ARSB: variants seen among roughly 807,000 people sequenced by gnomAD.
ARSB encodes the protein arylsulfatase B.
A neutral mutation model predicts 50.9 loss-of-function variants in ARSB; 41 were observed. The observed-to-expected ratio is 0.81, with a 90% confidence interval of 0.63 to 1.04. The LOEUF (loss-of-function observed/expected upper bound fraction) is 1.04, where lower values mean the gene tolerates loss of function less well. ARSB is among the 50% of genes least tolerant of loss of function. ARSB has a pLI of 0.00. For missense variants in ARSB, 672 were observed against 693.3 expected, an observed-to-expected ratio of 0.97 and a Z score of 0.35; for synonymous variants, 269 against 284.8, an observed-to-expected ratio of 0.94 and a Z score of 0.56.
chr5:78,903,310 A>C (rs1329321978), intron 4 of ARSB, among the ~76,000 whole-genome samples: 1 of 152,176 alleles, frequency 6.6e-6, no homozygotes, highest in East Asian at 1.9e-4. Flanking sequence ...GAATGTAAAA[A>C]ATCTGCTTCA....
chr5:78,907,418 C>T (rs1749113592), intron 4 of ARSB, among the ~76,000 whole-genome samples: 1 of 152,176 alleles, frequency 6.6e-6, no homozygotes. Flanking sequence ...GGCCCAGCCA[C>T]ACTGGAGTGA....
In ARSB at chr5:78,888,486, G is replaced by C. The variant is rs367790556; in HGVS notation, c.899-2659C>G. On this transcript the variant is annotated intron_variant, in intron 4 of 7. Transcript: ENST00000264914. ...GACAGAACGATTATTTCACTCTGTT[G>C]TCTGGATTGCTGTAAGTGATGCTGG... Among the ~76,000 whole-genome samples, 16 of 152,348 alleles carry C rather than the reference G, an allele frequency of 1.1e-4. No homozygotes were observed. The East Asian group carries it at 1.5e-3, about 15-fold the overall frequency.
intron 4 of ARSB, among the ~76,000 whole-genome samples, chr5:78,913,615 C>T (rs1297388105): frequency 6.6e-6 from 1 of 152,140 alleles, no homozygotes; most frequent in Non-Finnish European, 1.5e-5. Context: ...TGAGTTAGAG[C>T]CTCTTAATCC....
At chr5:78,888,586 T>C (rs1748143382) in intron 4 of ARSB, among the ~76,000 whole-genome samples, 1 of 152,236 alleles carries the variant, frequency 6.6e-6, no homozygotes, top group Non-Finnish European at 1.5e-5. Flanking sequence ...GTAGTGTCCT[T>C]CAGTTGCACA....
At chr5:78,913,250 A>G (rs1169143967) in intron 4 of ARSB, among the ~76,000 whole-genome samples, 2 of 151,294 alleles carry the variant, frequency 1.3e-5, no homozygotes, top group African/African-American at 2.4e-5. Flanking sequence ...TCAGCCTCCC[A>G]AGTAGCTGGG....
chr5:78,817,214 C>A, intron 6 of ARSB: 1 of 623,560 alleles, frequency 1.6e-6, no homozygotes, highest in Non-Finnish European at 2.0e-6. Context: ...GTTCACTGAC[C>A]AATAATCCAA....
intron 4 of ARSB, among the ~76,000 whole-genome samples, chr5:78,905,775 TC>T (rs1749032664): frequency 6.6e-6 from 1 of 151,988 alleles, no homozygotes; most frequent in African/African-American, 2.4e-5. Context: ...ATCCTTCAGA[TC>T]CACCCCCAAC....
chr5:78,910,125 C>T (rs1488832066), intron 4 of ARSB, among the ~76,000 whole-genome samples: 2 of 152,214 alleles, frequency 1.3e-5, no homozygotes, highest in Non-Finnish European at 2.9e-5. Context: ...GACCTTCTCC[C>T]CACTATCACC....
chr5:78,888,331 T>A (rs1271587099), intron 4 of ARSB, among the ~76,000 whole-genome samples: 1 of 152,208 alleles, frequency 6.6e-6, no homozygotes, highest in Non-Finnish European at 1.5e-5. Flanking sequence ...TCCATGTTCA[T>A]GATACTGCAC....
chr5:78,912,359 G>A (rs1749347982), intron 4 of ARSB, among the ~76,000 whole-genome samples: 1 of 152,214 alleles, frequency 6.6e-6, no homozygotes. Flanking sequence ...TTTGCCAGAA[G>A]GAAAGTGAGG....
At chr5:78,792,970 A>G (rs1204414338) in intron 6 of ARSB, among the ~76,000 whole-genome samples, 1 of 152,206 alleles carries the variant, frequency 6.6e-6, no homozygotes, top group Non-Finnish European at 1.5e-5. Context: ...GCCACACTAC[A>G]GGTCTGGCCA....
chr5:78,889,901 C>T (rs1465404057), intron 4 of ARSB, among the ~76,000 whole-genome samples: 1 of 152,172 alleles, frequency 6.6e-6, no homozygotes. Context: ...AGTCATCCTT[C>T]CCAACCTGAC....
chr5:78,805,881 G>C (rs1406218425), intron 6 of ARSB, among the ~76,000 whole-genome samples: 2 of 152,244 alleles, frequency 1.3e-5, no homozygotes, highest in Non-Finnish European at 2.9e-5. Flanking sequence ...GTTATTCACT[G>C]CTGTGGAAAA....
At chr5:78,887,847 T>C (rs1229999102) in intron 4 of ARSB, among the ~76,000 whole-genome samples, 1 of 152,186 alleles carries the variant, frequency 6.6e-6, no homozygotes, top group African/African-American at 2.4e-5. Context: ...TTTCACTTCC[T>C]GATGAAAACC....
At chr5:78,984,834 G>A in intron 1 of ARSB, 103 bp downstream of exon 1, 2 of 985,102 alleles carry the variant, frequency 2.0e-6, no homozygotes, top group Non-Finnish European at 2.6e-6. Context: ...GGCGGTCCGA[G>A]CCCCGCCTGC....
chr5:78,806,289 A>ACCAGGGGC (rs1743560543), intron 6 of ARSB, among the ~76,000 whole-genome samples: 2 of 152,242 alleles, frequency 1.3e-5, no homozygotes, highest in South Asian at 4.1e-4. Flanking sequence ...ACAACTGTAT[A>ACCAGGGGC]CCTGAAGGAT....
At chr5:78,876,191 T>C (rs1581080551) in intron 5 of ARSB, among the ~76,000 whole-genome samples, 1 of 152,194 alleles carries the variant, frequency 6.6e-6, no homozygotes, top group East Asian at 1.9e-4. Flanking sequence ...AACATGTGAT[T>C]ACAAAGTAGA....
At chr5:78,894,643 T>C (rs1270529111) in intron 4 of ARSB, among the ~76,000 whole-genome samples, 1 of 152,238 alleles carries the variant, frequency 6.6e-6, no homozygotes, top group Admixed American at 6.5e-5. Context: ...AAACATTTAA[T>C]GGCAGAAACA....
At chr5:78,831,330 T>C (rs1188591639) in intron 6 of ARSB, among the ~76,000 whole-genome samples, 1 of 151,602 alleles carries the variant, frequency 6.6e-6, no homozygotes, top group East Asian at 1.9e-4. Context: ...CACACACAGC[T>C]CCCTCATCCC....
Sources: allele counts gnomAD v4.1 joint callset (sites outside exome capture counted in the v4.1 genomes callset), GRCh38; gene constraint gnomAD v4.1.1; transcripts MANE v1.5; gene names NCBI Gene and HGNC (gene_info 2026-07-23, HGNC 2026-07-21).